The following HSPG2 variants were observed in gnomAD, a reference collection of about 807,000 sequenced individuals.
HSPG2 encodes heparan sulfate proteoglycan 2.
Under a neutral mutation model 526.6 loss-of-function variants are expected in HSPG2, and 278 were observed. That is an observed-to-expected ratio of 0.53 (90% confidence interval 0.48 to 0.58). The LOEUF (loss-of-function observed/expected upper bound fraction) is 0.58. HSPG2 is among the 20% of genes least tolerant of loss of function. The pLI is 0.00. For missense variants in HSPG2, 5,354 were observed against 6,099.5 expected (o/e 0.88, Z 4.07); for synonymous variants, 2,465 against 2,555.4 (o/e 0.96, Z 1.07).
chr1:21,842,700 T>C, intron 67 of HSPG2, 70 bp downstream of exon 67: 2 of 1,597,232 alleles, frequency 1.3e-6, no homozygotes, highest in South Asian at 2.2e-5. Flanking sequence ...TGCATGAGGT[T>C]TGGGTACAGA....
In HSPG2 at chr1:21,861,768, C is replaced by A; in HGVS notation, c.4944G>T (p.Gln1648His). ...GTTTACAAACTTACTGCTCACAGTA[C>A]TGGCCAGTGTAGCCGGGTTCGCAGG... ...CTACEPGYTG[Q>H]YCEQCGPGYV... Residue 1648 changes from glutamine to histidine, a missense_variant, in exon 39 of 97, where the codon CAG (glutamine) becomes CAT (histidine). Coordinates refer to ENST00000374695, the MANE Select transcript of HSPG2 (RefSeq NM_005529.7). 6.2e-7 allele frequency: 1 copy of A among 1,613,974 alleles called. No individual in the cohort carries two copies. The highest frequency in any genetic ancestry group is 8.5e-7 in the Non-Finnish European group (1 of 1,179,930).
In HSPG2 at chr1:21,831,726, C is replaced by G; in HGVS notation, c.11278G>C (p.Val3760Leu). 1 of 1,606,372 alleles carries G rather than the reference C, an allele frequency of 6.2e-7. No homozygotes were observed. The highest frequency in any genetic ancestry group is 1.1e-5 in the South Asian group (1 of 90,062). ...TPLALGHFHT[V>L]TLLRSLTQGS... ...TGGGTGAGGCTGCGCAGCAGGGTCACGGTGTGGAAATGGCCCAGGGCCAGT... is the reference window on the plus strand; with the variant it reads ...TGGGTGAGGCTGCGCAGCAGGGTCAGGGTGTGGAAATGGCCCAGGGCCAGT... The change falls in exon 82 of 97, where the codon GTG (valine) becomes CTG (leucine). Residue 3760 changes from valine (V) to leucine (L), a missense_variant. Val to Leu is a conservative substitution (Grantham distance 32). Transcript: ENST00000374695.
chr1:21,887,494 C>T lies in HSPG2; in HGVS notation c.884G>A (p.Gly295Glu). The change falls in exon 8 of 97, where the codon GGG (glycine) becomes GAG (glutamate). Residue 295 changes from glycine to glutamate, a missense_variant. Gly to Glu is a moderately conservative substitution (Grantham distance 98). Coordinates refer to ENST00000374695, the MANE Select transcript of HSPG2 (RefSeq NM_005529.7). This position sits in a 1 kb window ranked among gnomAD's most constrained non-coding sequence, Gnocchi z 5.0. The part of the protein sequence containing the change: ...CGPQEAACRN[G>E]HCIPRDYLCD... Reference sequence around the variant, plus strand: ...GAGGTAGTCTCTGGGGATGCAGTGCCCATTGCGGCATGCGGCCTCCTGGGG... The same window carrying T: ...GAGGTAGTCTCTGGGGATGCAGTGCTCATTGCGGCATGCGGCCTCCTGGGG... 1.2e-6 allele frequency: 2 copies of T among 1,614,038 alleles called. No homozygotes were observed. The highest frequency in any genetic ancestry group is 1.7e-6 in the Non-Finnish European group (2 of 1,179,998).
rs762213934 is a variant in HSPG2, at chr1:21,896,286, C to T, written c.88G>A (p.Asp30Asn). 3.1e-5 allele frequency: 50 copies of T among 1,613,508 alleles called. No homozygotes were observed. Among genetic ancestry groups the T allele is most frequent in the Non-Finnish European group, 4.1e-5 (48 of 1,179,980 alleles). The change falls in exon 2 of 97, where the codon GAT (aspartate) becomes AAT (asparagine). Residue 30 changes from aspartate to asparagine, a missense_variant. Asp to Asn is a conservative substitution (Grantham distance 23). Transcript: ENST00000374695. ...ATGTCCTCAGGCAGAGACAAGCCAT[C>T]GTATGCCCTCAGCCCATGGGTCACC... Reference protein sequence around the residue: ...LAVTHGLRAYDGLSLPEDIET... With the variant: ...LAVTHGLRAYNGLSLPEDIET...
Position 21,838,914 on chromosome 1 carries a change from C to A in HSPG2, c.10061G>T (p.Arg3354Leu), listed in dbSNP as rs776453694. The part of the protein sequence containing the change: ...TARNELLHFE[R>L]AAPEDSGRYR... ...GCGGCCTGAGTCCTCAGGGGCTGCA[C>A]GCTCAAAGTGCAGCAGCTCGTTCCT... Residue 3354 changes from arginine (R) to leucine (L), a missense_variant, in exon 74 of 97, where the codon CGT becomes CTT. Physicochemically the swap from Arg to Leu is moderately radical, Grantham distance 102. Coordinates refer to ENST00000374695, the MANE Select transcript of HSPG2 (RefSeq NM_005529.7). 9 of 1,612,016 alleles carry A rather than the reference C, an allele frequency of 5.6e-6. No homozygotes were observed. The highest frequency in any genetic ancestry group is 1.1e-5 in the South Asian group (1 of 90,996).
At chr1:21,862,767 G>T (rs1375291167) in intron 37 of HSPG2, among the ~76,000 whole-genome samples, 1 of 151,730 alleles carries the variant, frequency 6.6e-6, no homozygotes, top group Non-Finnish European at 1.5e-5. Context: ...GTATTTGGGG[G>T]CAGAGCATTA....
chr1:21,841,203 G>A lies in HSPG2; in HGVS notation c.9411C>T (p.Ala3137=), dbSNP rs533824462. The part of the protein sequence containing the change: ...GKAVTLECVS[A]GEPRSSARWT... The stretch of plus-strand genomic sequence containing the variant: ...AACGAGCAGAGGAGCGGGGCTCCCC[G>A]GCACTGACACACTCCAGGGTGACAG... Residue 3137 remains alanine (A), a synonymous_variant, in exon 71 of 97, where the codon GCC becomes GCT. Transcript: ENST00000374695. 553 of 1,613,816 alleles carry A rather than the reference G, an allele frequency of 3.4e-4. 3 individuals carry two copies. In the East Asian group the frequency reaches 9.4e-3, roughly 28 times the overall value.
Position 21,851,651 on chromosome 1 carries a change from T to TCGA in HSPG2, c.7052_7053insTCG (p.Gln2351delinsHisArg). On this transcript the variant is annotated protein_altering_variant, in exon 55 of 97. Coordinates refer to ENST00000374695, the MANE Select transcript of HSPG2 (RefSeq NM_005529.7). Reference sequence around the variant, plus strand: ...GATCCAGGGTCTGCCCTTCCGCCACTTGCGAGGAGGAGGGCTCGATGCGGA... The same window carrying TCGA: ...GATCCAGGGTCTGCCCTTCCGCCACTCGATGCGAGGAGGAGGGCTCGATGCGGA... The TCGA allele has an allele frequency of 6.2e-7, 1 of 1,613,818 alleles. No homozygotes were observed. Among genetic ancestry groups the TCGA allele is most frequent in the Non-Finnish European group, 8.5e-7 (1 of 1,180,010 alleles).
At chr1:21,896,065 A>C in intron 2 of HSPG2, 99 bp from the exon 3 acceptor site, 2 of 1,595,974 alleles carry the variant, frequency 1.3e-6, no homozygotes, top group Non-Finnish European at 1.7e-6. Flanking sequence ...ACAGTGGGAC[A>C]GGGTTGAGAA....
intron 1 of HSPG2, among the ~76,000 whole-genome samples, chr1:21,899,781 G>A (rs372715225): frequency 6.0e-4 from 92 of 152,298 alleles, no homozygotes; most frequent in African/African-American, 2.0e-3. Flanking sequence ...AGTGAGCCCC[G>A]GGAGACGTGT....
At chr1:21,888,832 A>G in intron 6 of HSPG2, 1 of 656,864 alleles carries the variant, frequency 1.5e-6, no homozygotes, top group Admixed American at 3.3e-5. Context: ...GAAAAGTGAG[A>G]GAGGAGGGCT....
rs78248488 is a variant in HSPG2, at chr1:21,828,591, C to A, written c.12238-165G>T. The stretch of plus-strand genomic sequence containing the variant: ...GGAGGGAGGCGCAGGAGTTGAGTGC[C>A]TACTGTGTGCTAGAAACATTCATCC... On this transcript the variant is annotated intron_variant, in intron 88 of 96. Transcript: ENST00000374695. This position sits in a 1 kb window ranked among gnomAD's most constrained non-coding sequence, Gnocchi z 6.0. 0.018 allele frequency among the ~76,000 whole-genome samples: 2,685 copies of A among 152,174 alleles called. 67 individuals carry two copies. Among genetic ancestry groups the A allele is most frequent in the African/African-American group, 0.061 (2,543 of 41,494 alleles).
chr1:21,921,461 C>A (rs1644036401), intron 1 of HSPG2, among the ~76,000 whole-genome samples: 1 of 152,158 alleles, frequency 6.6e-6, no homozygotes, highest in African/African-American at 2.4e-5. Flanking sequence ...GTCTCCGGGA[C>A]CCCAGGTGCA....
intron 1 of HSPG2, among the ~76,000 whole-genome samples, chr1:21,924,940 T>C (rs1644145123): frequency 6.6e-6 from 1 of 152,230 alleles, no homozygotes; most frequent in Non-Finnish European, 1.5e-5. Context: ...AGTCTTTTCC[T>C]TCCCCTGACA....
intron 39 of HSPG2, 29 bp downstream of exon 39, chr1:21,861,728 C>T: frequency 1.9e-6 from 3 of 1,603,724 alleles, no homozygotes; most frequent in Non-Finnish European, 2.6e-6. Context: ...TGTCCTCCAC[C>T]CTCCCCCTAC....
At position 21,904,798 on chromosome 1, in the gene HSPG2, C is replaced by T. The variant is rs546231153; in HGVS notation, c.64-8488G>A. Among the ~76,000 whole-genome samples the T allele has an allele frequency of 3.3e-5, 5 of 152,274 alleles. No individual in the cohort carries two copies. The East Asian group carries it at 5.8e-4, about 18-fold the overall frequency. Reference sequence around the variant, plus strand: ...CTGCCGGCAACACCTGCAGCGTTCACGTGCCAGCCTCCTGCATGCAGCCTG... The same window carrying T: ...CTGCCGGCAACACCTGCAGCGTTCATGTGCCAGCCTCCTGCATGCAGCCTG... On this transcript the variant is annotated intron_variant, in intron 1 of 96. Coordinates refer to ENST00000374695, the MANE Select transcript of HSPG2 (RefSeq NM_005529.7). The surrounding 1 kb of genome is among the most constrained non-coding windows in gnomAD (Gnocchi z 4.4).
Position 21,824,216 on chromosome 1 carries a change from CAGGCCCA to C in HSPG2, c.12816-19_12816-13del, listed in dbSNP as rs772728375. The C allele has an allele frequency of 6.2e-7, 1 of 1,613,822 alleles. No individual in the cohort carries two copies. Among genetic ancestry groups the C allele is most frequent in the South Asian group, 1.1e-5 (1 of 91,084 alleles). On this transcript the variant is annotated splice_polypyrimidine_tract_variant and intron_variant, in intron 94 of 96. Coordinates refer to ENST00000374695, the MANE Select transcript of HSPG2 (RefSeq NM_005529.7). This position sits in a 1 kb window ranked among gnomAD's most constrained non-coding sequence, Gnocchi z 5.9. ...TACCCAGCTGGTACCTGCAGTCATC[CAGGCCCA>C]AGAAGTATGAGCTGGGGCAGGACCG...
Position 21,895,056 on chromosome 1 carries a change from G to A in HSPG2, c.244+866C>T, listed in dbSNP as rs1642651608. On this transcript the variant is annotated intron_variant, in intron 3 of 96. Transcript: ENST00000374695. This position sits in a 1 kb window ranked among gnomAD's most constrained non-coding sequence, Gnocchi z 4.1. ...CCGGATATGTCAGCTAAAGGGAGGT[G>A]ACTCCACCCCTGAAGTAGGCCCAGG... Among the ~76,000 whole-genome samples, 1 of 152,220 alleles carries A rather than the reference G, an allele frequency of 6.6e-6. No homozygotes were observed. Among genetic ancestry groups the A allele is most frequent in the African/African-American group, 2.4e-5 (1 of 41,460 alleles).
chr1:21,878,998 G>A lies in HSPG2; in HGVS notation c.2467C>T (p.Arg823Cys), dbSNP rs777038958. 1.9e-5 allele frequency: 31 copies of A among 1,613,510 alleles called. No individual in the cohort carries two copies. Among genetic ancestry groups the A allele is most frequent in the African/African-American group, 1.5e-4 (11 of 74,902 alleles). The change falls in exon 18 of 97, where the codon CGC (arginine) becomes TGC (cysteine). Residue 823 changes from arginine to cysteine, a missense_variant. Coordinates refer to ENST00000374695, the MANE Select transcript of HSPG2 (RefSeq NM_005529.7). ...TGACCCGGAGCTGGGGCTGACCTGC[G>A]GGAGGCATCGATGTATGGGCAAGGG... is the stretch of plus-strand genomic sequence containing the variant. ...PCPCPYIDAS[R>C]RFSDTCFLDT...
Sources: gnomAD v4.1 joint callset for allele counts (sites outside exome capture counted in the v4.1 genomes callset) on GRCh38, gnomAD v4.1.1 for gene constraint, Gnocchi (gnomAD v3.1) non-coding constraint, MANE v1.5 for transcripts, NCBI Gene and HGNC (gene_info 2026-07-23, HGNC 2026-07-21) for gene names.